The following TTC23 variants were observed in gnomAD, a reference collection of about 807,000 sequenced individuals.
TTC23 encodes the protein tetratricopeptide repeat domain 23, also known as tetratricopeptide repeat protein 23.
TTC23 carries 58 observed loss-of-function variants against 55.1 expected under a neutral mutation model. The observed-to-expected ratio is 1.05, with a 90% CI of 0.85 to 1.31. TTC23 has a LOEUF of 1.31. Ranked by LOEUF, TTC23 falls within the 50% of genes most tolerant of loss-of-function variation. The pLI is 0.00. For synonymous variants in TTC23, 203 were observed against 199.9 expected (o/e 1.02, Z -0.13); for missense variants, 516 against 534.4 (o/e 0.97, Z 0.34).
chr15:99,160,429 TA>T (rs1161150596), intron 11 of TTC23: 1 of 151,774 alleles, frequency 6.6e-6, no homozygotes. Context: ...ACAATACAAA[TA>T]AAAAATACAG....
chr15:99,200,903 G>A (rs1269399498), intron 8 of TTC23, among the ~76,000 whole-genome samples: 1 of 152,202 alleles, frequency 6.6e-6, no homozygotes. Flanking sequence ...ATGAAAATTA[G>A]TGCTGATCCA....
intron 1 of TTC23, among the ~76,000 whole-genome samples, chr15:99,246,221 T>C (rs1044400167): frequency 5.3e-5 from 8 of 152,242 alleles, no homozygotes; most frequent in Admixed American, 3.9e-4. Context: ...AAAGACACTA[T>C]TATTAAAGTT....
At chr15:99,228,798 A>C in intron 4 of TTC23, 66 bp from the exon 5 acceptor site, 1 of 1,263,470 alleles carries the variant, frequency 7.9e-7, no homozygotes, top group Non-Finnish European at 1.1e-6. Context: ...AGAAATATAC[A>C]TTTCAACACT....
At chr15:99,155,007 A>T in intron 12 of TTC23, among the ~76,000 whole-genome samples, 1 of 152,228 alleles carries the variant, frequency 6.6e-6, no homozygotes, top group East Asian at 1.9e-4. Context: ...GAAAGCATAA[A>T]GTAAAACTAA....
At chr15:99,207,880 T>G (rs182706525) in intron 8 of TTC23, among the ~76,000 whole-genome samples, 1 of 152,172 alleles carries the variant, frequency 6.6e-6, no homozygotes. Flanking sequence ...GACACATAAA[T>G]TGTTAGAAAG....
rs2077099168 is a variant in TTC23, at chr15:99,212,281, TGTGTG to T, written c.581+6302_581+6306del. ...AGGGATGTGTGTGTGTGTGTGTGTGTGTGTGTGTGTGCATGCATGTGCAATGGCAT... is the reference window on the plus strand; with the variant it reads ...AGGGATGTGTGTGTGTGTGTGTGTGTTGTGTGCATGCATGTGCAATGGCAT... On this transcript the variant is annotated intron_variant, in intron 8 of 13. Transcript: ENST00000394132. 3.9e-5 allele frequency among the ~76,000 whole-genome samples: 6 copies of T among 152,180 alleles called. 1 individual carries two copies. The South Asian group carries it at 1.0e-3, about 26-fold the overall frequency.
At chr15:99,190,624 G>A (rs995554969) in intron 9 of TTC23, among the ~76,000 whole-genome samples, 11 of 152,060 alleles carry the variant, frequency 7.2e-5, no homozygotes, top group South Asian at 6.2e-4. Context: ...GGCAAAATAC[G>A]TTACAATGGT....
chr15:99,219,510 T>A (rs199599188), intron 6 of TTC23, among the ~76,000 whole-genome samples: 1 of 152,304 alleles, frequency 6.6e-6, no homozygotes, highest in East Asian at 1.9e-4. Context: ...GTTATTTTTT[T>A]AACATAATAC....
chr15:99,136,344 T>C lies in TTC23; in HGVS notation c.*1666A>G, dbSNP rs2067590918. 6.6e-6 allele frequency: 1 copy of C among 152,250 alleles called. No individual in the cohort carries two copies. Among genetic ancestry groups the C allele is most frequent in the South Asian group, 2.1e-4 (1 of 4,834 alleles). The allele number at this position is 152,250 out of a possible 1,614,324, so 9.4% of individuals were successfully genotyped here. ...GAAGTAACATCAGAATTCACATTTA[T>C]TTCAAAAACTCGGCATGGACTCTCA... is the stretch of plus-strand genomic sequence containing the variant. On this transcript the variant is annotated 3_prime_UTR_variant, in exon 14 of 14. Transcript: ENST00000394132.
chr15:99,201,576 T>C (rs2076203773), intron 8 of TTC23, among the ~76,000 whole-genome samples: 1 of 152,222 alleles, frequency 6.6e-6, no homozygotes, highest in South Asian at 2.1e-4. Context: ...TTCGGATCTG[T>C]GGTCCAGATG....
At chr15:99,145,341 A>T (rs2068715518) in intron 12 of TTC23, 1 of 152,230 alleles carries the variant, frequency 6.6e-6, no homozygotes, top group Non-Finnish European at 1.5e-5. Flanking sequence ...ATATTTTTAA[A>T]ATACATAAAT....
chr15:99,151,507 G>A (rs2069740913), intron 12 of TTC23: 1 of 152,334 alleles, frequency 6.6e-6, no homozygotes, highest in South Asian at 2.1e-4. Flanking sequence ...GAGGAGCAAG[G>A]AGAAGTCCTG....
intron 8 of TTC23, among the ~76,000 whole-genome samples, chr15:99,203,633 C>G (rs1184676123): frequency 6.6e-6 from 1 of 152,078 alleles, no homozygotes; most frequent in East Asian, 1.9e-4. Flanking sequence ...CTCCCTACTC[C>G]CCTTCAAAGC....
chr15:99,160,703 G>C (rs1396903277), intron 11 of TTC23: 1 of 151,948 alleles, frequency 6.6e-6, no homozygotes, highest in Non-Finnish European at 1.5e-5. Flanking sequence ...TTGAGATGGC[G>C]TTAACCTCTG....
chr15:99,208,894 A>G (rs1309973946), intron 8 of TTC23, among the ~76,000 whole-genome samples: 1 of 152,018 alleles, frequency 6.6e-6, no homozygotes, highest in African/African-American at 2.4e-5. Flanking sequence ...TCTCCTTTCC[A>G]TTTCTGGCTA....
At chr15:99,244,952 A>G (rs1234564505) in intron 2 of TTC23, among the ~76,000 whole-genome samples, 1 of 152,232 alleles carries the variant, frequency 6.6e-6, no homozygotes, top group Non-Finnish European at 1.5e-5. Context: ...AATAAGTTCT[A>G]GAGATATACA....
intron 10 of TTC23, among the ~76,000 whole-genome samples, chr15:99,174,125 C>T (rs2073259969): frequency 6.6e-6 from 1 of 152,124 alleles, no homozygotes; most frequent in Non-Finnish European, 1.5e-5. Context: ...TCTAGTAGGC[C>T]AGAATGAGAG....
intron 10 of TTC23, among the ~76,000 whole-genome samples, chr15:99,162,948 T>G (rs780670113): frequency 5.9e-5 from 9 of 151,504 alleles, no homozygotes; most frequent in Non-Finnish European, 1.0e-4. Context: ...CCAGATGTGA[T>G]GATGTGCACC....
rs1032268604 is a variant in TTC23 at position 99,147,460 on chromosome 15, C to T, written c.1144-8061G>A. The stretch of plus-strand genomic sequence containing the variant: ...CAGGATGGTCTCGATCTCCTGACCT[C>T]GTGATCCTCCTGCCTCAGCCTCCCA... On this transcript the variant is annotated intron_variant, in intron 12 of 13. Transcript: ENST00000394132. 3.3e-5 allele frequency among the ~76,000 whole-genome samples: 5 copies of T among 150,854 alleles called. No homozygotes were observed. The East Asian group carries it at 6.0e-4, about 18-fold the overall frequency.
Sources: gnomAD v4.1 joint callset for allele counts (sites outside exome capture counted in the v4.1 genomes callset) on GRCh38, gnomAD v4.1.1 for gene constraint, MANE v1.5 for transcripts, NCBI Gene and HGNC (gene_info 2026-07-23, HGNC 2026-07-21) for gene names.